CDKL2: variants seen among roughly 807,000 people sequenced by gnomAD.
CDKL2 encodes cyclin-dependent kinase-like 2.
CDKL2 carries 64 observed loss-of-function variants against 63.9 expected under a neutral mutation model. The observed-to-expected ratio is 1.00, with a 90% CI of 0.82 to 1.23. The LOEUF is 1.23. Ranked by LOEUF, CDKL2 falls within the 50% of genes most tolerant of loss-of-function variation. The pLI is 0.00. For synonymous variants in CDKL2, 211 were observed against 229.2 expected (o/e 0.92, Z 0.72); for missense variants, 656 against 668.0 (o/e 0.98, Z 0.20).
intron 1 of CDKL2, among the ~76,000 whole-genome samples, chr4:75,629,524 G>A (rs1391965760): frequency 6.6e-6 from 1 of 152,170 alleles, no homozygotes; most frequent in Non-Finnish European, 1.5e-5. Flanking sequence ...ACTCTTGAAC[G>A]GAAAGGTAAT....
rs1359793284 is a variant in CDKL2 at position 75,577,739 on chromosome 4, C to T, written c.*1463G>A. Among the ~76,000 whole-genome samples the T allele has an allele frequency of 6.6e-6, 1 of 152,166 alleles. No individual in the cohort carries two copies. The highest frequency in any genetic ancestry group is 6.6e-5 in the Admixed American group (1 of 15,262). On this transcript the variant is annotated 3_prime_UTR_variant, in exon 14 of 14. Coordinates refer to ENST00000307465, the MANE Select transcript of CDKL2 (RefSeq NM_001330724.2). Reference sequence around the variant, plus strand: ...TGTTATCCATACTAATGTTGTCAAACAGCTGGTCACAGATTAAAAGTAGAG... The same window carrying T: ...TGTTATCCATACTAATGTTGTCAAATAGCTGGTCACAGATTAAAAGTAGAG...
rs1310996705 is a variant in CDKL2 at position 75,614,440 on chromosome 4, G to A, written c.178C>T (p.His60Tyr). ...REIKLLKQLRHENLVNLLEVC... is the reference protein window; with the variant it reads ...REIKLLKQLRYENLVNLLEVC... ...TCCAAGAGATTCACCAAGTTTTCAT[G>A]CCTAAGTTGCTGTTATTAAAAAATG... The change falls in exon 3 of 14, where the codon CAT (histidine) becomes TAT (tyrosine). Residue 60 changes from histidine to tyrosine, a missense_variant. Transcript: ENST00000307465. 1 of 1,546,708 alleles carries A rather than the reference G, an allele frequency of 6.5e-7. No homozygotes were observed.
intron 2 of CDKL2, among the ~76,000 whole-genome samples, chr4:75,616,635 A>G (rs1291471955): frequency 2.2e-4 from 33 of 149,406 alleles, no homozygotes; most frequent in Admixed American, 2.2e-3. Context: ...AGGAGGCGGA[A>G]GTTGCAGTGA....
chr4:75,606,214 TA>T (rs1214884877), intron 4 of CDKL2, among the ~76,000 whole-genome samples: 1 of 61,276 alleles, frequency 1.6e-5, no homozygotes, highest in Non-Finnish European at 3.3e-5. Context: ...ATGATAGGGA[TA>T]ATTTTTTTTT....
At chr4:75,612,858 C>T (rs1279933715) in intron 3 of CDKL2, among the ~76,000 whole-genome samples, 1 of 152,250 alleles carries the variant, frequency 6.6e-6, no homozygotes, top group African/African-American at 2.4e-5. Flanking sequence ...GGAGCGGTGG[C>T]TCACGCCTGT....
At chr4:75,591,207 T>C (rs1728699531) in intron 12 of CDKL2, among the ~76,000 whole-genome samples, 1 of 152,158 alleles carries the variant, frequency 6.6e-6, no homozygotes, top group Admixed American at 6.5e-5. Flanking sequence ...GGAGTTAATG[T>C]AGTGAAATAC....
chr4:75,594,539 C>T (rs185505414), intron 10 of CDKL2, among the ~76,000 whole-genome samples: 17 of 152,006 alleles, frequency 1.1e-4, no homozygotes, highest in Non-Finnish European at 1.9e-4. Flanking sequence ...TGGAATCTTA[C>T]GTTCTAGCTG....
At chr4:75,629,716 G>A (rs1279032508) in intron 1 of CDKL2, among the ~76,000 whole-genome samples, 1 of 152,104 alleles carries the variant, frequency 6.6e-6, no homozygotes, top group African/African-American at 2.4e-5. Context: ...GAGGCGGGCG[G>A]ATCACCTGAG....
At chr4:75,605,156 C>G (rs1422469161) in intron 5 of CDKL2, among the ~76,000 whole-genome samples, 2 of 152,156 alleles carry the variant, frequency 1.3e-5, no homozygotes, top group Non-Finnish European at 2.9e-5. Flanking sequence ...GAGTTCGAGT[C>G]CAGACTGACC....
chr4:75,605,654 G>T lies in CDKL2; in HGVS notation c.543-20C>A, dbSNP rs377603366. 1.2e-5 allele frequency: 19 copies of T among 1,550,444 alleles called. No homozygotes were observed. The African/African-American group carries it at 1.5e-4, about 12-fold the overall frequency. ...ACAGCCCTGAAAGAAAAGCAATGTG[G>T]TGTAAAATCTGGCATCCTAATATGC... is the stretch of plus-strand genomic sequence containing the variant. On this transcript the variant is annotated intron_variant, in intron 4 of 13. Coordinates refer to ENST00000307465, the MANE Select transcript of CDKL2 (RefSeq NM_001330724.2).
At chr4:75,614,057 G>A (rs376455184) in intron 3 of CDKL2, among the ~76,000 whole-genome samples, 198 bp downstream of exon 3, 1 of 151,740 alleles carries the variant, frequency 6.6e-6, no homozygotes, top group Non-Finnish European at 1.5e-5. Context: ...ACTCTGTCTC[G>A]GAAAAAAACA....
intron 7 of CDKL2, among the ~76,000 whole-genome samples, chr4:75,599,291 G>A (rs919271833): frequency 3.3e-5 from 5 of 152,102 alleles, no homozygotes. Context: ...GCCAGGAACG[G>A]TGGCTCATGC....
chr4:75,626,067 T>A, intron 1 of CDKL2, 50 bp from the exon 2 acceptor site: 1 of 1,141,812 alleles, frequency 8.8e-7, no homozygotes, highest in Non-Finnish European at 1.3e-6. Flanking sequence ...GTTAATTTCC[T>A]CCGCCTTCCC....
At chr4:75,591,771 AAG>A in intron 12 of CDKL2, 46 bp downstream of exon 12, 1 of 1,249,666 alleles carries the variant, frequency 8.0e-7, no homozygotes, top group Non-Finnish European at 1.1e-6. Flanking sequence ...ACTAGTAAGT[AAG>A]AGAGAGACCC....
chr4:75,615,003 T>C (rs148591367), intron 2 of CDKL2, among the ~76,000 whole-genome samples: 1 of 114,714 alleles, frequency 8.7e-6, no homozygotes, highest in African/African-American at 4.4e-5. Context: ...AGTGAAAACA[T>C]CCCTAGAACT....
At chr4:75,596,086 G>T in intron 10 of CDKL2, 161 bp downstream of exon 10, 1 of 420,402 alleles carries the variant, frequency 2.4e-6, no homozygotes, top group Non-Finnish European at 4.2e-6. Context: ...AGAATTTCAC[G>T]TTTATGACTA....
At chr4:75,611,775 C>CT (rs2148897788) in intron 3 of CDKL2, among the ~76,000 whole-genome samples, 1 of 151,462 alleles carries the variant, frequency 6.6e-6, no homozygotes, top group East Asian at 2.0e-4. Flanking sequence ...CTGCCTCAGC[C>CT]TTCCGAGTAG....
intron 10 of CDKL2, 23 bp downstream of exon 10, chr4:75,596,221 TCTA>T (rs1728926072): frequency 1.5e-6 from 2 of 1,320,494 alleles, no homozygotes; most frequent in East Asian, 4.6e-5. Context: ...TGTTTGCTCT[TCTA>T]CTACTGAGAA....
intron 6 of CDKL2, among the ~76,000 whole-genome samples, chr4:75,602,427 C>T (rs544174955): frequency 2.7e-4 from 41 of 152,148 alleles, no homozygotes; most frequent in Non-Finnish European, 4.3e-4. Flanking sequence ...ATCCACGTGC[C>T]TCGGCCGCCC....
Sources: gnomAD v4.1 joint callset for allele counts (sites outside exome capture counted in the v4.1 genomes callset) on GRCh38, gnomAD v4.1.1 for gene constraint, MANE v1.5 for transcripts, NCBI Gene and HGNC (gene_info 2026-07-23, HGNC 2026-07-21) for gene names.